Variants in EYA1 observed in about 807,000 individuals in gnomAD.
EYA1 encodes protein phosphatase EYA1.
In EYA1, 16 loss-of-function variants were observed where a neutral mutation model predicts 82.0. The ratio of observed to expected loss-of-function variants is 0.20; its 90% confidence interval spans 0.13 to 0.30. The LOEUF is 0.30. Ranked by LOEUF, EYA1 falls within the 10% of genes least tolerant of loss-of-function variation. EYA1 has a pLI of 1.00. For synonymous variants in EYA1, 261 were observed against 264.4 expected (o/e 0.99, Z 0.12); for missense variants, 633 against 730.7 (o/e 0.87, Z 1.54).
At chr8:71,430,083 A>C (rs1158794526) in intron 2 of EYA1, among the ~76,000 whole-genome samples, 1 of 152,208 alleles carries the variant, frequency 6.6e-6, no homozygotes, top group Non-Finnish European at 1.5e-5. Context: ...CCACTGTATA[A>C]ATTTGAAAGA....
At chr8:71,390,496 C>T (rs1428673947) in intron 2 of EYA1, among the ~76,000 whole-genome samples, 1 of 152,150 alleles carries the variant, frequency 6.6e-6, no homozygotes, top group Non-Finnish European at 1.5e-5. Flanking sequence ...CTCCCAATCT[C>T]AAGCAATCCT....
At chr8:71,226,645 C>T (rs1254132687) in intron 12 of EYA1, among the ~76,000 whole-genome samples, 1 of 148,242 alleles carries the variant, frequency 6.7e-6, no homozygotes, top group Non-Finnish European at 1.5e-5. Flanking sequence ...AATCCATTAA[C>T]TAATCCATTA....
intron 2 of EYA1, among the ~76,000 whole-genome samples, chr8:71,427,477 A>C (rs1211166720): frequency 6.6e-6 from 1 of 152,228 alleles, no homozygotes; most frequent in Non-Finnish European, 1.5e-5. Flanking sequence ...GTCCATTCAG[A>C]GTAGCAGACC....
chr8:71,492,992 C>T (rs1049547715), intron 2 of EYA1, among the ~76,000 whole-genome samples: 1 of 152,188 alleles, frequency 6.6e-6, no homozygotes, highest in Non-Finnish European at 1.5e-5. Flanking sequence ...TTAGCTCCCA[C>T]TTAAAAGTGA....
At chr8:71,496,612 A>G (rs1040794359) in intron 2 of EYA1, among the ~76,000 whole-genome samples, 1 of 152,182 alleles carries the variant, frequency 6.6e-6, no homozygotes, top group Non-Finnish European at 1.5e-5. Flanking sequence ...ATTTTTTTCA[A>G]TGTTTTGAGC....
At chr8:71,470,041 C>T (rs2129199832) in intron 2 of EYA1, among the ~76,000 whole-genome samples, 1 of 152,070 alleles carries the variant, frequency 6.6e-6, no homozygotes, top group African/African-American at 2.4e-5. Context: ...TTAAATTTGC[C>T]AGAGTCAGTA....
At chr8:71,541,590 T>C (rs1815140290) in intron 1 of EYA1, among the ~76,000 whole-genome samples, 1 of 152,220 alleles carries the variant, frequency 6.6e-6, no homozygotes, top group Admixed American at 6.5e-5. Flanking sequence ...TAGTACTTAC[T>C]ATGTGAACAA....
chr8:71,403,022 G>C (rs1005501286), intron 2 of EYA1, among the ~76,000 whole-genome samples: 3 of 152,078 alleles, frequency 2.0e-5, no homozygotes, highest in Admixed American at 2.0e-4. Context: ...GCTTTGAGTG[G>C]GTGAGATTTT....
intron 2 of EYA1, among the ~76,000 whole-genome samples, chr8:71,440,527 CAGGA>C (rs1806347171): frequency 6.6e-6 from 1 of 152,102 alleles, no homozygotes. Context: ...GCAGCTATGT[CAGGA>C]TGGCCCATTT....
intron 2 of EYA1, among the ~76,000 whole-genome samples, chr8:71,381,711 T>C (rs1828712059): frequency 6.6e-6 from 1 of 152,242 alleles, no homozygotes. Context: ...AAAATTGCTT[T>C]GAAGAATCTT....
chr8:71,512,254 T>A (rs963673243), intron 2 of EYA1, among the ~76,000 whole-genome samples: 3 of 152,116 alleles, frequency 2.0e-5, no homozygotes, highest in African/African-American at 7.2e-5. Context: ...CTAATTGGTG[T>A]TCAAAGCTGA....
At chr8:71,309,127 C>T (rs972572564) in intron 7 of EYA1, among the ~76,000 whole-genome samples, 6 of 151,990 alleles carry the variant, frequency 3.9e-5, no homozygotes, top group Admixed American at 2.0e-4. Context: ...TTTTTATTTC[C>T]AAAGAGAACT....
intron 11 of EYA1, among the ~76,000 whole-genome samples, chr8:71,267,799 T>C (rs972838440): frequency 3.9e-5 from 6 of 152,122 alleles, no homozygotes; most frequent in Non-Finnish European, 7.4e-5. Context: ...CCACCCGCCT[T>C]GGCCTCCCAA....
At chr8:71,459,005 A>T (rs1029592685) in intron 2 of EYA1, among the ~76,000 whole-genome samples, 2 of 152,144 alleles carry the variant, frequency 1.3e-5, no homozygotes, top group African/African-American at 4.8e-5. Flanking sequence ...TGGTCTTCTA[A>T]ACTAGATAGG....
chr8:71,447,846 C>A (rs911756463), intron 2 of EYA1, among the ~76,000 whole-genome samples: 2 of 152,048 alleles, frequency 1.3e-5, no homozygotes, highest in Non-Finnish European at 2.9e-5. Flanking sequence ...TGAAGTCTTG[C>A]CCCAATGTTG....
intron 2 of EYA1, among the ~76,000 whole-genome samples, chr8:71,379,830 G>GAA (rs59877798): frequency 0.26 from 40,179 of 152,036 alleles, 5,967 homozygotes; most frequent in East Asian, 0.71. Flanking sequence ...CTCCATCTTA[G>GAA]AAAAATTCCT....
intron 9 of EYA1, among the ~76,000 whole-genome samples, chr8:71,277,116 T>C (rs1036180026): frequency 6.5e-5 from 1 of 15,420 alleles, no homozygotes; most frequent in African/African-American, 3.0e-4. Flanking sequence ...GCTTCACACA[T>C]TTTTTTTTTT....
intron 12 of EYA1, among the ~76,000 whole-genome samples, chr8:71,223,141 A>T (rs1334750704): frequency 6.6e-6 from 1 of 152,170 alleles, no homozygotes; most frequent in Non-Finnish European, 1.5e-5. Flanking sequence ...GTAGGTGGTG[A>T]AAGCATAGGT....
chr8:71,323,319 C>T (rs1439277525), intron 4 of EYA1, among the ~76,000 whole-genome samples: 1 of 152,068 alleles, frequency 6.6e-6, no homozygotes, highest in African/African-American at 2.4e-5. Context: ...ATTCTTCTAC[C>T]AATAATTACT....
Sources: gnomAD v4.1 joint callset for allele counts (sites outside exome capture counted in the v4.1 genomes callset) on GRCh38, gnomAD v4.1.1 for gene constraint, MANE v1.5 for transcripts, NCBI Gene and HGNC (gene_info 2026-07-23, HGNC 2026-07-21) for gene names.